TMEM44: variants seen among roughly 807,000 people sequenced by gnomAD.
The protein encoded by TMEM44 is transmembrane protein 44.
In TMEM44, 43 loss-of-function variants were observed where a neutral mutation model predicts 47.8. The observed-to-expected ratio is 0.90, with a 90% CI of 0.70 to 1.16. The LOEUF is 1.16. Ranked by LOEUF, TMEM44 falls within the 50% of genes most tolerant of loss-of-function variation. The pLI is 0.00. For synonymous variants in TMEM44, 277 were observed against 238.8 expected (o/e 1.16, Z -1.48); for missense variants, 568 against 555.2 (o/e 1.02, Z -0.23).
chr3:194,628,589 G>T, intron 1 of TMEM44, 80 bp from the exon 2 acceptor site: 3 of 1,476,692 alleles, frequency 2.0e-6, no homozygotes, highest in Non-Finnish European at 2.7e-6. Context: ...GGGCAACTGT[G>T]ACCCCGCATC....
At chr3:194,618,316 T>C (rs1716162160) in intron 5 of TMEM44, among the ~76,000 whole-genome samples, 2 of 152,216 alleles carry the variant, frequency 1.3e-5, no homozygotes, top group East Asian at 1.9e-4. Flanking sequence ...TATATTTCTA[T>C]GTAAGCAGCC....
chr3:194,631,211 C>T (rs939302786), intron 1 of TMEM44, among the ~76,000 whole-genome samples: 3 of 151,946 alleles, frequency 2.0e-5, no homozygotes, highest in Non-Finnish European at 1.5e-5. Context: ...AATATGTTGT[C>T]GTACCTGCCT....
In TMEM44 at chr3:194,588,640, C is replaced by G. The variant is rs950237198; in HGVS notation, c.1177-1G>C. 1.2e-6 allele frequency: 2 copies of G among 1,614,084 alleles called. No individual in the cohort carries two copies. Among genetic ancestry groups the G allele is most frequent in the Non-Finnish European group, 1.7e-6 (2 of 1,180,002 alleles). On this transcript the variant is annotated splice_acceptor_variant, in intron 9 of 9. Coordinates refer to ENST00000347147, the MANE Select transcript of TMEM44 (RefSeq NM_001011655.3). LOFTEE classifies it high-confidence loss of function. ...CGAGGTTCACATCTTCAGGGTCCCA[C>G]TATGGAGAAAAGATGCAAAGGGTAG...
chr3:194,610,673 C>T (rs116622609), intron 8 of TMEM44, among the ~76,000 whole-genome samples: 2,091 of 152,268 alleles, frequency 0.014, 28 homozygotes, highest in Non-Finnish European at 0.021. Flanking sequence ...TTTCTTTGTA[C>T]ATTTAAAGCT....
At chr3:194,591,133 G>A (rs1285955787) in intron 9 of TMEM44, among the ~76,000 whole-genome samples, 1 of 152,110 alleles carries the variant, frequency 6.6e-6, no homozygotes, top group East Asian at 1.9e-4. Context: ...GGCAGAGGTT[G>A]CAGTGAGCTG....
intron 1 of TMEM44, among the ~76,000 whole-genome samples, chr3:194,632,208 G>A (rs1300235297): frequency 2.6e-5 from 4 of 152,184 alleles, no homozygotes; most frequent in Non-Finnish European, 5.9e-5. Flanking sequence ...TGCAACACTG[G>A]GCCTACAGTA....
rs1437760813 is a variant in TMEM44, at chr3:194,633,165, C to T, written c.51G>A (p.Leu17=). ...PAPALWDWDY[L]DRCFARHRVC... ...CGCGGTGGCGGGCGAAGCAGCGGTC[C>T]AGGTAGTCCCAGTCCCAGAGCGCGG... Residue 17 remains leucine, a synonymous_variant, in exon 1 of 10, where the codon CTG becomes CTA. Coordinates refer to ENST00000347147, the MANE Select transcript of TMEM44 (RefSeq NM_001011655.3). 16 of 1,546,516 alleles carry T rather than the reference C, an allele frequency of 1.0e-5. No individual in the cohort carries two copies. The highest frequency in any genetic ancestry group is 1.4e-5 in the Non-Finnish European group (16 of 1,145,854).
intron 9 of TMEM44, among the ~76,000 whole-genome samples, chr3:194,600,950 C>T (rs574526139): frequency 6.6e-5 from 10 of 152,112 alleles, no homozygotes; most frequent in South Asian, 2.1e-4. Context: ...AGGACCTCAG[C>T]GGCTTTGTCA....
At position 194,623,510 on chromosome 3, in the gene TMEM44, C is replaced by G. The variant is rs1716805340; in HGVS notation, c.525+19G>C. The G allele has an allele frequency of 1.3e-6, 2 of 1,566,620 alleles. No homozygotes were observed. The highest frequency in any genetic ancestry group is 2.7e-5 in the African/African-American group (2 of 73,492). ...GACATGCAGTACCCCGAGTCCTCCC[C>G]ACGGTGGCCCAGCCTCACCTGCAGC... On this transcript the variant is annotated intron_variant, in intron 4 of 9. Transcript: ENST00000347147.
chr3:194,633,248 A>G lies in TMEM44; in HGVS notation c.-33T>C, dbSNP rs1478180019. On this transcript the variant is annotated 5_prime_UTR_variant, in exon 1 of 10. Transcript: ENST00000347147. Reference sequence around the variant, plus strand: ...CTGGGCGCGCGGCGCGGGGCCGGGGACCTGGGCGCAGCCTCCCTCGCCGCG... The same window carrying G: ...CTGGGCGCGCGGCGCGGGGCCGGGGGCCTGGGCGCAGCCTCCCTCGCCGCG... 8.5e-7 allele frequency: 1 copy of G among 1,174,568 alleles called. No homozygotes were observed. The highest frequency in any genetic ancestry group is 1.1e-6 in the Non-Finnish European group (1 of 940,186). The allele number at this position is 1,174,568 out of a possible 1,614,324, so 72.8% of individuals were successfully genotyped here.
intron 1 of TMEM44, among the ~76,000 whole-genome samples, chr3:194,631,738 T>C (rs1174573421): frequency 2.0e-5 from 3 of 152,112 alleles, no homozygotes; most frequent in African/African-American, 7.2e-5. Flanking sequence ...TCCCCAGCTC[T>C]TGGGGCCAGG....
Position 194,604,371 on chromosome 3 carries a change from C to T in TMEM44, c.1092G>A (p.Pro364=), listed in dbSNP as rs200692095. Residue 364 remains proline (P), a synonymous_variant, in exon 9 of 10, where the codon CCG becomes CCA. Coordinates refer to ENST00000347147, the MANE Select transcript of TMEM44 (RefSeq NM_001011655.3). ...SAGDASLQDP[P]SYPPVQVIRA... ...GGATGACCTGAACGGGAGGGTACGA[C>T]GGGGGGTCCTGCAGGGACGCATCTC... is the stretch of plus-strand genomic sequence containing the variant. The T allele has an allele frequency of 3.3e-5, 52 of 1,561,186 alleles. No homozygotes were observed. Among genetic ancestry groups the T allele is most frequent in the African/African-American group, 6.8e-5 (5 of 73,582 alleles).
chr3:194,620,904 G>A (rs562419964), intron 5 of TMEM44, among the ~76,000 whole-genome samples: 19 of 152,070 alleles, frequency 1.2e-4, no homozygotes, highest in Non-Finnish European at 2.6e-4. Flanking sequence ...GCGTGTGCCT[G>A]TAATCCCAGC....
intron 9 of TMEM44, among the ~76,000 whole-genome samples, chr3:194,600,103 T>C (rs1437454389): frequency 6.6e-6 from 1 of 151,210 alleles, no homozygotes; most frequent in Non-Finnish European, 1.5e-5. Context: ...TTGTTTTGTT[T>C]TGTTTTCAGA....
At chr3:194,619,492 C>T (rs989266111) in intron 5 of TMEM44, among the ~76,000 whole-genome samples, 14 of 152,302 alleles carry the variant, frequency 9.2e-5, no homozygotes, top group Non-Finnish European at 1.6e-4. Context: ...ATGGTCTCTG[C>T]AGCTGCCAGG....
At chr3:194,607,535 T>G (rs1050846691) in intron 8 of TMEM44, among the ~76,000 whole-genome samples, 1 of 152,202 alleles carries the variant, frequency 6.6e-6, no homozygotes, top group East Asian at 1.9e-4. Flanking sequence ...TAGAGGTCAA[T>G]GGCACAAACT....
At chr3:194,615,744 T>C (rs762430877) in intron 6 of TMEM44, 47 bp from the exon 7 acceptor site, 1 of 1,601,702 alleles carries the variant, frequency 6.2e-7, no homozygotes, top group Admixed American at 1.7e-5. Context: ...TCCAGCTGCC[T>C]AGCGTGGCCC....
intron 3 of TMEM44, among the ~76,000 whole-genome samples, chr3:194,625,073 A>C (rs1225072828): frequency 6.6e-6 from 1 of 152,122 alleles, no homozygotes; most frequent in Non-Finnish European, 1.5e-5. Flanking sequence ...CTTCTCAAGA[A>C]GCCGCAACCA....
rs1389267844 is a variant in TMEM44, at chr3:194,623,205, T to TC, written c.612+18dup. ...GACTGTCATGTGACCCACAGTCCCA[T>TC]CCCCACCCCCGGCCTCACAATTCTG... is the stretch of plus-strand genomic sequence containing the variant. On this transcript the variant is annotated intron_variant, in intron 5 of 9. Coordinates refer to ENST00000347147, the MANE Select transcript of TMEM44 (RefSeq NM_001011655.3). 1 of 1,592,970 alleles carries TC rather than the reference T, an allele frequency of 6.3e-7. No individual in the cohort carries two copies. The highest frequency in any genetic ancestry group is 8.6e-7 in the Non-Finnish European group (1 of 1,169,114).
Sources: allele counts gnomAD v4.1 joint callset (sites outside exome capture counted in the v4.1 genomes callset), GRCh38; gene constraint gnomAD v4.1.1; transcripts MANE v1.5; gene names NCBI Gene and HGNC (gene_info 2026-07-23, HGNC 2026-07-21).